The following CPEB1 variants were observed in gnomAD, a reference collection of about 807,000 sequenced individuals.
CPEB1 encodes the protein cytoplasmic polyadenylation element-binding protein 1.
Under a neutral mutation model 65.8 loss-of-function variants are expected in CPEB1, and 7 were observed. The observed-to-expected ratio is 0.11, with a 90% confidence interval of 0.06 to 0.20. The LOEUF is 0.20. Among genes scored for constraint, CPEB1 ranks in the 10% least tolerant of loss-of-function variants. The pLI is 1.00. For missense variants in CPEB1, 551 were observed against 712.2 expected (o/e 0.77, Z 2.58); for synonymous variants, 262 against 260.0 (o/e 1.01, Z -0.08).
At chr15:82,602,083 T>C (rs1372362361) in intron 3 of CPEB1, among the ~76,000 whole-genome samples, 1 of 152,176 alleles carries the variant, frequency 6.6e-6, no homozygotes, top group East Asian at 1.9e-4. Flanking sequence ...ATCTAGAACA[T>C]TTAACAAAGT....
intron 1 of CPEB1, among the ~76,000 whole-genome samples, chr15:82,646,292 AG>A (rs1423058546): frequency 6.6e-6 from 1 of 152,150 alleles, no homozygotes; most frequent in African/African-American, 2.4e-5. Flanking sequence ...CTTCCAGAAT[AG>A]GAACCCCACC....
intron 3 of CPEB1, among the ~76,000 whole-genome samples, chr15:82,586,319 G>A (rs1444444220): frequency 6.7e-6 from 1 of 149,918 alleles, no homozygotes; most frequent in East Asian, 1.9e-4. Context: ...TTCTTATACT[G>A]TGGCTTTTCC....
At chr15:82,587,528 C>T (rs768313741) in intron 3 of CPEB1, among the ~76,000 whole-genome samples, 7 of 152,014 alleles carry the variant, frequency 4.6e-5, no homozygotes, top group Admixed American at 1.3e-4. Context: ...GTATACAAGA[C>T]GACAGCTGCA....
intron 3 of CPEB1, among the ~76,000 whole-genome samples, chr15:82,600,637 A>C (rs999433792): frequency 2.6e-5 from 4 of 152,206 alleles, no homozygotes; most frequent in Non-Finnish European, 5.9e-5. Context: ...TGATGAAAGC[A>C]CTAATTTCTT....
chr15:82,635,046 G>A (rs1012646754), intron 1 of CPEB1, among the ~76,000 whole-genome samples: 7 of 152,092 alleles, frequency 4.6e-5, no homozygotes, highest in Non-Finnish European at 8.8e-5. Context: ...GTAGAGATGG[G>A]GTTTCGCCAT....
At chr15:82,553,590 A>C in intron 7 of CPEB1, 34 bp from the exon 8 acceptor site, 1 of 1,467,252 alleles carries the variant, frequency 6.8e-7, no homozygotes, top group South Asian at 1.2e-5. Context: ...GCAGAAGCTG[A>C]GGAACCATCT....
rs1303301048 is a variant in CPEB1 at position 82,597,187 on chromosome 15, G to T, written c.272-25655C>A. On this transcript the variant is annotated intron_variant, in intron 3 of 12. Coordinates refer to ENST00000684509, the MANE Select transcript of CPEB1 (RefSeq NM_001365242.1). ...AAAAAAATGAAAAAGTTAAGAGGGT[G>T]TAGTGGCACATGCTTGTAGTCCCAG... Among the ~76,000 whole-genome samples, 8 of 152,348 alleles carry T rather than the reference G, an allele frequency of 5.3e-5. No homozygotes were observed. In the East Asian group the frequency reaches 1.5e-3, roughly 29 times the overall value.
chr15:82,614,043 C>G (rs999505403), intron 3 of CPEB1, among the ~76,000 whole-genome samples: 1 of 152,014 alleles, frequency 6.6e-6, no homozygotes, highest in African/African-American at 2.4e-5. Context: ...AGACACACAC[C>G]CTGGGTGGGA....
chr15:82,590,011 G>T (rs555498311), intron 3 of CPEB1, among the ~76,000 whole-genome samples: 1 of 152,100 alleles, frequency 6.6e-6, no homozygotes, highest in South Asian at 2.1e-4. Context: ...ATGCACAGGA[G>T]GTCCTGGATT....
At chr15:82,577,675 T>C (rs1212850629) in intron 3 of CPEB1, among the ~76,000 whole-genome samples, 2 of 152,102 alleles carry the variant, frequency 1.3e-5, no homozygotes, top group Non-Finnish European at 2.9e-5. Context: ...CCACCATACC[T>C]GGCTAATTTT....
At chr15:82,611,327 T>G (rs911297554) in intron 3 of CPEB1, among the ~76,000 whole-genome samples, 2 of 152,148 alleles carry the variant, frequency 1.3e-5, no homozygotes, top group African/African-American at 4.8e-5. Context: ...CAGTTTGACT[T>G]ACAATAGCAT....
chr15:82,587,730 A>G (rs1451478079), intron 3 of CPEB1, among the ~76,000 whole-genome samples: 1 of 152,228 alleles, frequency 6.6e-6, no homozygotes. Context: ...GAAATTCACA[A>G]TATATATTTA....
In CPEB1 at chr15:82,544,476, A is replaced by G; in HGVS notation, c.*116T>C. On this transcript the variant is annotated 3_prime_UTR_variant, in exon 13 of 13. Transcript: ENST00000684509. ...TTCAGCAAGTGCAAAGGTGACTACA[A>G]TTTTCCCTTGTCCTTGGGAAGCCAG... is the stretch of plus-strand genomic sequence containing the variant. 1 of 677,674 alleles carries G rather than the reference A, an allele frequency of 1.5e-6. No homozygotes were observed. Among genetic ancestry groups the G allele is most frequent in the Non-Finnish European group, 2.6e-6 (1 of 386,272 alleles). 42.0% of individuals were successfully genotyped at this position (677,674 alleles called of 1,614,324 possible).
At chr15:82,587,925 T>C (rs1022079903) in intron 3 of CPEB1, among the ~76,000 whole-genome samples, 1 of 111,178 alleles carries the variant, frequency 9.0e-6, no homozygotes, top group Admixed American at 8.4e-5. Context: ...TTTGTTTTGT[T>C]TTTGTTTTTG....
intron 3 of CPEB1, among the ~76,000 whole-genome samples, chr15:82,606,817 CAA>C (rs56078202): frequency 1.4e-4 from 12 of 82,974 alleles, no homozygotes; most frequent in Admixed American, 5.3e-4. Context: ...GACTCCGTCT[CAA>C]AAAAAAAAAA....
At chr15:82,560,530 C>T (rs2038024700) in intron 4 of CPEB1, among the ~76,000 whole-genome samples, 1 of 151,518 alleles carries the variant, frequency 6.6e-6, no homozygotes, top group Non-Finnish European at 1.5e-5. Flanking sequence ...GCTGGGACTA[C>T]AGGCATGTGA....
At chr15:82,638,886 A>C (rs1373958907) in intron 1 of CPEB1, among the ~76,000 whole-genome samples, 1 of 152,226 alleles carries the variant, frequency 6.6e-6, no homozygotes, top group Non-Finnish European at 1.5e-5. Context: ...TGAAGAATAC[A>C]ATGACTGCTA....
chr15:82,587,321 G>A (rs2041881587), intron 3 of CPEB1, among the ~76,000 whole-genome samples: 1 of 152,142 alleles, frequency 6.6e-6, no homozygotes, highest in African/African-American at 2.4e-5. Context: ...CTTGGTAACT[G>A]TATTATAAGA....
intron 3 of CPEB1, among the ~76,000 whole-genome samples, chr15:82,578,816 A>C (rs1364318146): frequency 4.6e-5 from 7 of 152,064 alleles, no homozygotes; most frequent in Admixed American, 4.6e-4. Flanking sequence ...AGTCATACAA[A>C]ATTACATGTT....
Sources: allele counts gnomAD v4.1 joint callset (sites outside exome capture counted in the v4.1 genomes callset), GRCh38; gene constraint gnomAD v4.1.1; transcripts MANE v1.5; gene names NCBI Gene and HGNC (gene_info 2026-07-23, HGNC 2026-07-21).